TBC1D22A: variants seen among roughly 807,000 people sequenced by gnomAD.
TBC1D22A encodes putative GTPase activator.
In TBC1D22A, 38 loss-of-function variants were observed where a neutral mutation model predicts 60.2. That is an observed-to-expected ratio of 0.63 (90% CI 0.49 to 0.83). The LOEUF is 0.83. TBC1D22A is among the 40% of genes least tolerant of loss of function. The pLI, the probability that TBC1D22A is intolerant of heterozygous loss-of-function variation, is 0.00. For missense variants in TBC1D22A, 628 were observed against 701.0 expected, an observed-to-expected ratio of 0.90 and a Z score of 1.18; for synonymous variants, 302 against 281.7, an observed-to-expected ratio of 1.07 and a Z score of -0.72.
At chr22:47,036,207 A>G (rs1055992874) in intron 10 of TBC1D22A, among the ~76,000 whole-genome samples, 2 of 152,146 alleles carry the variant, frequency 1.3e-5, no homozygotes, top group Admixed American at 6.5e-5. Context: ...TATCCGGCTC[A>G]ATTGGGCAAT....
At chr22:47,170,480 C>G (rs2068389992) in intron 12 of TBC1D22A, among the ~76,000 whole-genome samples, 1 of 152,190 alleles carries the variant, frequency 6.6e-6, no homozygotes, top group African/African-American at 2.4e-5. Flanking sequence ...GACTTTTAGC[C>G]AGTGAAATTC....
At chr22:47,152,932 C>T (rs886720762) in intron 12 of TBC1D22A, among the ~76,000 whole-genome samples, 11 of 151,750 alleles carry the variant, frequency 7.2e-5, no homozygotes, top group Non-Finnish European at 1.5e-5. Flanking sequence ...CTAATTGGAA[C>T]GAGGATTGAC....
chr22:47,131,317 G>A (rs1233586580), intron 12 of TBC1D22A, among the ~76,000 whole-genome samples: 1 of 152,236 alleles, frequency 6.6e-6, no homozygotes, highest in Non-Finnish European at 1.5e-5. Flanking sequence ...GGAGGGCAGT[G>A]TCCTCAGCCA....
At chr22:46,823,331 A>G (rs2085908512) in intron 4 of TBC1D22A, among the ~76,000 whole-genome samples, 1 of 152,228 alleles carries the variant, frequency 6.6e-6, no homozygotes. Context: ...TATTATAGAA[A>G]AATTTGGAAA....
chr22:47,079,682 T>C (rs993267965), intron 11 of TBC1D22A, among the ~76,000 whole-genome samples: 7 of 152,214 alleles, frequency 4.6e-5, no homozygotes, highest in Non-Finnish European at 8.8e-5. Context: ...TACTGCAAGA[T>C]ATTTGATTGA....
intron 4 of TBC1D22A, among the ~76,000 whole-genome samples, chr22:46,876,184 TC>T (rs1367881097): frequency 6.6e-6 from 1 of 152,198 alleles, no homozygotes; most frequent in Admixed American, 6.5e-5. Flanking sequence ...CATCCTGGGA[TC>T]CCCTCCCCAG....
rs577864986 is a variant in TBC1D22A, at chr22:47,031,203, A to G, written c.1202-5868A>G. Among the ~76,000 whole-genome samples, 8 of 152,290 alleles carry G rather than the reference A, an allele frequency of 5.3e-5. No individual in the cohort carries two copies. The South Asian group carries it at 1.2e-3, about 24-fold the overall frequency. ...CCTTTTCACTCCTTTCAGGAGTTCA[A>G]GGTCCTGTGTCAGGCAGAAGGCCAG... On this transcript the variant is annotated intron_variant, in intron 10 of 12. Transcript: ENST00000337137.
intron 8 of TBC1D22A, among the ~76,000 whole-genome samples, chr22:46,965,096 G>T (rs1402848630): frequency 1.3e-5 from 2 of 152,236 alleles, no homozygotes; most frequent in African/African-American, 4.8e-5. Flanking sequence ...TTGCTGGAGC[G>T]GTCAGTGAAC....
chr22:47,138,676 A>G (rs1016126987), intron 12 of TBC1D22A, among the ~76,000 whole-genome samples: 4 of 152,254 alleles, frequency 2.6e-5, no homozygotes, highest in South Asian at 2.1e-4. Context: ...CCGGGCTGGT[A>G]TAACAAAATA....
chr22:47,163,152 C>A (rs2068062868), intron 12 of TBC1D22A, among the ~76,000 whole-genome samples: 1 of 152,044 alleles, frequency 6.6e-6, no homozygotes. Flanking sequence ...ACAAGCACTG[C>A]CCCCCCGCCC....
chr22:46,852,522 G>C lies in TBC1D22A; in HGVS notation c.638-26131G>C, dbSNP rs116665448. ...GTTTGTCCGAATCTCAGTGGCGTGA[G>C]GTCCTTGTTTTCTCAGGGGTGGACG... On this transcript the variant is annotated intron_variant, in intron 4 of 12. Transcript: ENST00000337137. 9.1e-3 allele frequency among the ~76,000 whole-genome samples: 1,393 copies of C among 152,300 alleles called. 22 individuals carry two copies. The highest frequency in any genetic ancestry group is 0.032 in the African/African-American group (1,317 of 41,558).
intron 12 of TBC1D22A, among the ~76,000 whole-genome samples, chr22:47,118,606 C>T (rs536993018): frequency 6.6e-6 from 1 of 152,068 alleles, no homozygotes; most frequent in East Asian, 1.9e-4. Flanking sequence ...ATGATAAAGA[C>T]AATAAAAGAA....
chr22:47,067,636 A>G (rs999244686), intron 11 of TBC1D22A, among the ~76,000 whole-genome samples: 18 of 152,108 alleles, frequency 1.2e-4, no homozygotes, highest in African/African-American at 4.1e-4. Context: ...CGGGTTCATC[A>G]TGGTGGGAGG....
rs185314974 is a variant in TBC1D22A at position 47,156,518 on chromosome 22, A to T, written c.1426-16980A>T. 3.5e-3 allele frequency among the ~76,000 whole-genome samples: 528 copies of T among 152,196 alleles called. 3 individuals are homozygous for T. Among genetic ancestry groups the T allele is most frequent in the African/African-American group, 0.012 (501 of 41,514 alleles). Reference sequence around the variant, plus strand: ...GTGGAGGACACCTCACAGTTGTTAGATCGATGCCTAGCTTGAGGCTGGCCG... The same window carrying T: ...GTGGAGGACACCTCACAGTTGTTAGTTCGATGCCTAGCTTGAGGCTGGCCG... On this transcript the variant is annotated intron_variant, in intron 12 of 12. Transcript: ENST00000337137.
At chr22:47,100,059 A>C (rs1265396420) in intron 11 of TBC1D22A, among the ~76,000 whole-genome samples, 1 of 152,178 alleles carries the variant, frequency 6.6e-6, no homozygotes, top group East Asian at 1.9e-4. Flanking sequence ...TTGCAGGTCA[A>C]AGGCAGTGTT....
intron 7 of TBC1D22A, among the ~76,000 whole-genome samples, chr22:46,903,441 A>G (rs1001884884): frequency 2.6e-5 from 4 of 151,938 alleles, no homozygotes; most frequent in Admixed American, 2.0e-4. Flanking sequence ...TTGGCTTAGT[A>G]CCTCTGGCTT....
chr22:47,071,502 G>C (rs8137937), intron 11 of TBC1D22A, among the ~76,000 whole-genome samples: 28,169 of 152,218 alleles, frequency 0.19, 3,213 homozygotes, highest in African/African-American at 0.32. Context: ...CAGTCTTCCT[G>C]AGTCGGCCCC....
At chr22:46,794,882 G>C (rs2084585896) in intron 3 of TBC1D22A, among the ~76,000 whole-genome samples, 1 of 152,198 alleles carries the variant, frequency 6.6e-6, no homozygotes, top group African/African-American at 2.4e-5. Flanking sequence ...CTCCCTCCAA[G>C]GTCTTCTGGG....
chr22:47,043,826 G>A (rs1379989248), intron 11 of TBC1D22A, among the ~76,000 whole-genome samples: 1 of 151,532 alleles, frequency 6.6e-6, no homozygotes, highest in Non-Finnish European at 1.5e-5. Context: ...GTGCAGTTGA[G>A]TGTGGCTGCA....
Sources: allele counts gnomAD v4.1 joint callset (sites outside exome capture counted in the v4.1 genomes callset), GRCh38; gene constraint gnomAD v4.1.1; transcripts MANE v1.5; gene names NCBI Gene and HGNC (gene_info 2026-07-23, HGNC 2026-07-21).